CNTLN: variants seen among roughly 807,000 people sequenced by gnomAD.
CNTLN encodes the protein centlein.
CNTLN carries 212 observed loss-of-function variants against 180.0 expected under a neutral mutation model. That is an observed-to-expected ratio of 1.18 (90% CI 1.05 to 1.32). The LOEUF (loss-of-function observed/expected upper bound fraction) is 1.32. Ranked by LOEUF, CNTLN falls within the 40% of genes most tolerant of loss-of-function variation. CNTLN has a pLI of 0.00. For synonymous variants in CNTLN, 722 were observed against 563.1 expected (o/e 1.28, Z -3.99); for missense variants, 2,095 against 1,610.9 (o/e 1.30, Z -5.14).
intron 5 of CNTLN, among the ~76,000 whole-genome samples, chr9:17,268,975 C>A (rs1454064372): frequency 6.6e-6 from 1 of 152,090 alleles, no homozygotes; most frequent in East Asian, 1.9e-4. Flanking sequence ...CTCCCTGACC[C>A]CTTGTGCTTC....
chr9:17,397,934 C>T (rs1826663083), intron 15 of CNTLN, among the ~76,000 whole-genome samples: 1 of 152,098 alleles, frequency 6.6e-6, no homozygotes, highest in African/African-American at 2.4e-5. Context: ...GAAATTCTTG[C>T]ACTAGAGCTT....
intron 7 of CNTLN, chr9:17,299,726 T>C: frequency 2.0e-6 from 2 of 984,680 alleles, no homozygotes; most frequent in Non-Finnish European, 2.4e-6. Context: ...CTAAAATGAT[T>C]TGAAACACTG....
intron 23 of CNTLN, among the ~76,000 whole-genome samples, chr9:17,468,341 A>T (rs1831866154): frequency 6.6e-6 from 1 of 151,708 alleles, no homozygotes; most frequent in South Asian, 2.1e-4. Context: ...CCCCTGCAAC[A>T]CAAAATTTAT....
chr9:17,317,627 G>C (rs1587637722), intron 8 of CNTLN, among the ~76,000 whole-genome samples: 1 of 152,254 alleles, frequency 6.6e-6, no homozygotes, highest in East Asian at 1.9e-4. Flanking sequence ...GGAGCATGAT[G>C]GAGAGTGATA....
intron 15 of CNTLN, among the ~76,000 whole-genome samples, chr9:17,402,665 G>C (rs1412171872): frequency 6.6e-6 from 1 of 151,822 alleles, no homozygotes; most frequent in African/African-American, 2.4e-5. Context: ...GCCTCTGTGA[G>C]CAAGAGGGAA....
chr9:17,437,168 G>A (rs1050882221), intron 18 of CNTLN, among the ~76,000 whole-genome samples: 1 of 152,186 alleles, frequency 6.6e-6, no homozygotes, highest in Non-Finnish European at 1.5e-5. Context: ...AATCCATGTG[G>A]AATTGGACGT....
intron 5 of CNTLN, among the ~76,000 whole-genome samples, chr9:17,250,662 G>A (rs2132271679): frequency 1.3e-5 from 2 of 152,080 alleles, no homozygotes; most frequent in East Asian, 3.9e-4. Context: ...GTTGTCACAA[G>A]TTATATCTTA....
At chr9:17,284,237 A>G (rs1828838670) in intron 6 of CNTLN, among the ~76,000 whole-genome samples, 1 of 151,896 alleles carries the variant, frequency 6.6e-6, no homozygotes. Flanking sequence ...TGAAGTTTTT[A>G]TTTTCTCAGG....
chr9:17,429,889 CAT>C (rs1445274372), intron 18 of CNTLN, among the ~76,000 whole-genome samples: 1 of 151,914 alleles, frequency 6.6e-6, no homozygotes, highest in Non-Finnish European at 1.5e-5. Context: ...TTTAGATTCA[CAT>C]ATGGTTAGCC....
chr9:17,498,381 T>C (rs926221368), intron 25 of CNTLN, among the ~76,000 whole-genome samples: 3 of 152,160 alleles, frequency 2.0e-5, no homozygotes, highest in Admixed American at 6.6e-5. Context: ...AAATTTAAGA[T>C]TGTGATAGTT....
intron 6 of CNTLN, among the ~76,000 whole-genome samples, chr9:17,279,227 C>G (rs531659803): frequency 2.6e-4 from 39 of 152,214 alleles, no homozygotes; most frequent in South Asian, 6.2e-4. Flanking sequence ...TTTATCTTCT[C>G]TTGTATAACC....
At chr9:17,165,492 A>G (rs1820006219) in intron 2 of CNTLN, among the ~76,000 whole-genome samples, 1 of 152,214 alleles carries the variant, frequency 6.6e-6, no homozygotes, top group South Asian at 2.1e-4. Context: ...GAATGTAGAA[A>G]TTTCTAGTAA....
At chr9:17,301,975 A>C in intron 7 of CNTLN, 13 of 964,700 alleles carry the variant, frequency 1.3e-5, no homozygotes, top group Non-Finnish European at 1.6e-5. Flanking sequence ...TTATTTTTCT[A>C]CTGTTGGTTA....
chr9:17,250,200 T>C (rs954675294), intron 5 of CNTLN, among the ~76,000 whole-genome samples: 1 of 152,028 alleles, frequency 6.6e-6, no homozygotes, highest in Non-Finnish European at 1.5e-5. Context: ...TTCTGGTTAC[T>C]ATTTTCATGG....
chr9:17,438,242 T>C (rs1254266970), intron 18 of CNTLN, among the ~76,000 whole-genome samples: 1 of 152,026 alleles, frequency 6.6e-6, no homozygotes, highest in African/African-American at 2.4e-5. Flanking sequence ...CTCGAGAGAC[T>C]AGAGATTGAA....
intron 18 of CNTLN, among the ~76,000 whole-genome samples, chr9:17,425,168 G>A (rs769941880): frequency 7.2e-5 from 11 of 152,124 alleles, no homozygotes; most frequent in Non-Finnish European, 1.3e-4. Context: ...GGTTTCAAGA[G>A]TTGTATTATT....
intron 2 of CNTLN, among the ~76,000 whole-genome samples, chr9:17,176,870 TCA>T (rs945865598): frequency 2.0e-4 from 31 of 152,310 alleles, no homozygotes; most frequent in Admixed American, 6.5e-4. Flanking sequence ...ATAGCGTTGT[TCA>T]CAGTTTTTTC....
At position 17,288,580 on chromosome 9, in the gene CNTLN, G is replaced by A. The variant is rs1392454390; in HGVS notation, c.984-9610G>A. On this transcript the variant is annotated intron_variant, in intron 6 of 25. Transcript: ENST00000380647. ...GGTATCTTTGTTGACTTTCTGTCTC[G>A]TTGATCTGTCTAATGTTGACAGTGG... Among the ~76,000 whole-genome samples the A allele has an allele frequency of 4.7e-5, 6 of 128,536 alleles. 1 individual carries two copies. The highest frequency in any genetic ancestry group is 2.1e-4 in the East Asian group (1 of 4,700). 84.3% of individuals were successfully genotyped at this position (128,536 alleles called of 152,430 possible).
At chr9:17,302,707 C>T (rs1051802956) in intron 7 of CNTLN, among the ~76,000 whole-genome samples, 2 of 152,042 alleles carry the variant, frequency 1.3e-5, no homozygotes, top group Admixed American at 6.6e-5. Context: ...AACTTTATGG[C>T]GATGTTTCTA....
Sources: allele counts gnomAD v4.1 joint callset (sites outside exome capture counted in the v4.1 genomes callset), GRCh38; gene constraint gnomAD v4.1.1; transcripts MANE v1.5; gene names NCBI Gene and HGNC (gene_info 2026-07-23, HGNC 2026-07-21).